The following C13orf42 variants were observed in gnomAD, a reference collection of about 807,000 sequenced individuals.
C13orf42 encodes the protein uncharacterized protein C13orf42.
rs542103889 is a variant in C13orf42 at position 51,169,881 on chromosome 13, C to T, written n.136+2372G>A. On this transcript the variant is annotated intron_variant and non_coding_transcript_variant, in intron 1 of 4. Transcript: ENST00000433280. ...GGGTGGAGTCTGTCAGGCCTCTGAG[C>T]CCAAGCCAAGCCATCGCATCCCCTG... is the stretch of plus-strand genomic sequence containing the variant. Among the ~76,000 whole-genome samples the T allele has an allele frequency of 3.3e-3, 502 of 152,306 alleles. 5 individuals are homozygous for T. Among genetic ancestry groups the T allele is most frequent in the Non-Finnish European group, 4.8e-3 (325 of 68,030 alleles).
chr13:51,161,175 A>G (rs1259337832), intron 1 of C13orf42, among the ~76,000 whole-genome samples: 3 of 112,530 alleles, frequency 2.7e-5, no homozygotes, highest in Non-Finnish European at 6.2e-5. Context: ...TCAAAGAAAT[A>G]ACAACTTCAC....
intron 1 of C13orf42, among the ~76,000 whole-genome samples, chr13:51,124,231 C>A (rs1953558605): frequency 6.6e-6 from 1 of 152,182 alleles, no homozygotes; most frequent in Admixed American, 6.5e-5. Context: ...AATCAGCACT[C>A]CAGATTCACT....
rs1202370498 is a variant in C13orf42, at chr13:51,153,621, G to GTTTTTTTTTTTTT, written n.136+18631_136+18632insAAAAAAAAAAAAA. On this transcript the variant is annotated intron_variant and non_coding_transcript_variant, in intron 1 of 4. Coordinates refer to the C13orf42 transcript ENST00000433280. ...TTATCAACCCATTTTCTTGCTTTCT[G>GTTTTTTTTTTTTT]TTTTTTTTCTTTTTTTTTTTTTTTT... Among the ~76,000 whole-genome samples the GTTTTTTTTTTTTT allele has an allele frequency of 1.4e-3, 114 of 81,990 alleles. 2 individuals are homozygous for GTTTTTTTTTTTTT. Among genetic ancestry groups the GTTTTTTTTTTTTT allele is most frequent in the Middle Eastern group, 7.1e-3 (1 of 140 alleles). 53.8% of individuals were successfully genotyped at this position (81,990 alleles called of 152,430 possible). A position where few individuals can be genotyped will look rare whatever the true frequency, so the allele number is the denominator to read the frequency against.
At chr13:51,142,939 T>C (rs1484930034) in intron 1 of C13orf42, among the ~76,000 whole-genome samples, 1 of 152,210 alleles carries the variant, frequency 6.6e-6, no homozygotes, top group Non-Finnish European at 1.5e-5. Flanking sequence ...AGAGGATCTA[T>C]ATATTTTTTA....
chr13:51,133,984 C>T (rs1341412409), intron 1 of C13orf42, among the ~76,000 whole-genome samples: 1 of 152,184 alleles, frequency 6.6e-6, no homozygotes, highest in African/African-American at 2.4e-5. Context: ...CATCCGCACA[C>T]CTGCAGCATC....
rs201060686 is a variant in C13orf42, at chr13:51,140,013, GC to G, written n.137-26792del. ...AGAAGTGTGAAAGAAAATATCTTGG[GC>G]CCCCAAAATCACGAAGGAAAACTCA... On this transcript the variant is annotated intron_variant and non_coding_transcript_variant, in intron 1 of 4. Coordinates refer to the C13orf42 transcript ENST00000433280. Among the ~76,000 whole-genome samples, 38 of 152,200 alleles carry G rather than the reference GC, an allele frequency of 2.5e-4. No individual in the cohort carries two copies. The East Asian group carries it at 6.6e-3, about 26-fold the overall frequency.
At chr13:51,143,792 C>A (rs530468212) in intron 1 of C13orf42, among the ~76,000 whole-genome samples, 8 of 152,118 alleles carry the variant, frequency 5.3e-5, no homozygotes, top group South Asian at 2.1e-4. Context: ...CGCTAAAGTT[C>A]AAAAATGACA....
chr13:51,091,681 C>T (rs1953181595), intron 1 of C13orf42, among the ~76,000 whole-genome samples: 1 of 152,148 alleles, frequency 6.6e-6, no homozygotes, highest in Non-Finnish European at 1.5e-5. Flanking sequence ...GATTCTAATA[C>T]ACAGTGGCTG....
chr13:51,133,744 G>A (rs2138023933), intron 1 of C13orf42, among the ~76,000 whole-genome samples: 1 of 152,230 alleles, frequency 6.6e-6, no homozygotes. Context: ...CTCCCCAGTG[G>A]CTGTCAACCT....
intron 1 of C13orf42, among the ~76,000 whole-genome samples, chr13:51,120,740 G>A (rs1487245697): frequency 1.3e-5 from 2 of 152,116 alleles, no homozygotes; most frequent in Non-Finnish European, 2.9e-5. Context: ...CGTCATAGGT[G>A]AGGTGGCTCA....
intron 1 of C13orf42, among the ~76,000 whole-genome samples, chr13:51,167,095 AC>A (rs1230410225): frequency 6.6e-6 from 1 of 151,912 alleles, no homozygotes; most frequent in Admixed American, 6.6e-5. Context: ...AAAACAAAAA[AC>A]CAAAAACCAA....
chr13:51,098,144 T>C (rs1453980011), intron 1 of C13orf42, among the ~76,000 whole-genome samples: 1 of 152,188 alleles, frequency 6.6e-6, no homozygotes, highest in Non-Finnish European at 1.5e-5. Flanking sequence ...TATTTATCTT[T>C]TTTTTCATTT....
chr13:51,162,736 G>A (rs893191372), intron 1 of C13orf42, among the ~76,000 whole-genome samples: 2 of 152,148 alleles, frequency 1.3e-5, no homozygotes, highest in Admixed American at 6.5e-5. Flanking sequence ...TGAGCAAGCC[G>A]AGGCTCAATG....
chr13:51,111,115 T>C lies in C13orf42; in HGVS notation c.95A>G (p.Lys32Arg). Residue 32 changes from lysine (K) to arginine (R), a missense_variant, in exon 1 of 4, where the codon AAG (lysine) becomes AGG (arginine). Lys to Arg is a conservative substitution (Grantham distance 26). Coordinates refer to ENST00000563710, the MANE Select transcript of C13orf42 (RefSeq NM_001351589.3). The stretch of plus-strand genomic sequence containing the variant: ...ATACATGGAACTGCTTCGAATCAGC[T>C]TCACTGCGGGGCTGGCTCCTTCGTA... ...PFYEGASPAVKLIRSSSMYVV... is the reference protein window; with the variant it reads ...PFYEGASPAVRLIRSSSMYVV... The C allele has an allele frequency of 2.5e-6, 1 of 398,678 alleles. No homozygotes were observed. The highest frequency in any genetic ancestry group is 4.4e-6 in the Non-Finnish European group (1 of 226,092). The allele number at this position is 398,678 out of a possible 1,614,324, so 24.7% of individuals were successfully genotyped here. A position where few individuals can be genotyped will look rare whatever the true frequency, so the allele number is the denominator to read the frequency against.
At position 51,098,970 on chromosome 13, in the gene C13orf42, G is replaced by A. The variant is rs539006843; in HGVS notation, c.415-10895C>T. ...GGTGATGAAATTTCCAGGGTAAAACGTGGAATTGGTCCTGATTGAGAAGGT... is the reference window on the plus strand; with the variant it reads ...GGTGATGAAATTTCCAGGGTAAAACATGGAATTGGTCCTGATTGAGAAGGT... On this transcript the variant is annotated intron_variant, in intron 1 of 3. Coordinates refer to ENST00000563710, the MANE Select transcript of C13orf42 (RefSeq NM_001351589.3). Among the ~76,000 whole-genome samples the A allele has an allele frequency of 2.9e-4, 44 of 152,222 alleles. 1 individual carries two copies. The South Asian group carries it at 6.8e-3, about 24-fold the overall frequency.
intron 1 of C13orf42, among the ~76,000 whole-genome samples, chr13:51,159,755 AT>A (rs891905439): frequency 2.6e-4 from 39 of 152,322 alleles, no homozygotes; most frequent in African/African-American, 8.7e-4. Context: ...ATTTTTATGC[AT>A]TTTATACAGC....
At chr13:51,118,451 T>C (rs752222318) in intron 1 of C13orf42, among the ~76,000 whole-genome samples, 6 of 152,150 alleles carry the variant, frequency 3.9e-5, no homozygotes, top group African/African-American at 1.4e-4. Context: ...ACTGATTGCT[T>C]TGTGGGGCTC....
rs181248423 is a variant in C13orf42 at position 51,163,701 on chromosome 13, G to A, written n.136+8552C>T. 1.6e-4 allele frequency among the ~76,000 whole-genome samples: 25 copies of A among 152,178 alleles called. No homozygotes were observed. In the East Asian group the frequency reaches 4.6e-3, roughly 28 times the overall value. Reference sequence around the variant, plus strand: ...TTCATAGATAAGGAGTGAATCTCCAGGCTGGCCCCTGCTGGGTTCCTTAGC... The same window carrying A: ...TTCATAGATAAGGAGTGAATCTCCAAGCTGGCCCCTGCTGGGTTCCTTAGC... On this transcript the variant is annotated intron_variant and non_coding_transcript_variant, in intron 1 of 4. Transcript: ENST00000433280.
At chr13:51,151,859 G>A (rs956599628) in intron 1 of C13orf42, among the ~76,000 whole-genome samples, 3 of 152,138 alleles carry the variant, frequency 2.0e-5, no homozygotes, top group African/African-American at 7.2e-5. Context: ...CATGGTCCCA[G>A]GGCCTTTTAT....
Sources: allele counts gnomAD v4.1 joint callset (sites outside exome capture counted in the v4.1 genomes callset), GRCh38; gene constraint gnomAD v4.1.1; transcripts MANE v1.5; gene names NCBI Gene and HGNC (gene_info 2026-07-23, HGNC 2026-07-21).